PCCA: variants seen among roughly 807,000 people sequenced by gnomAD.
The protein encoded by PCCA is propionyl-CoA carboxylase subunit alpha.
PCCA carries 74 observed loss-of-function variants against 101.3 expected under a neutral mutation model. The observed-to-expected ratio is 0.73, with a 90% CI of 0.61 to 0.89. The LOEUF (loss-of-function observed/expected upper bound fraction) is 0.89. Among genes scored for constraint, PCCA ranks in the 40% least tolerant of loss-of-function variants. PCCA has a pLI of 0.00. For synonymous variants in PCCA, 294 were observed against 313.6 expected, an observed-to-expected ratio of 0.94 and a Z score of 0.66; for missense variants, 891 against 907.0, an observed-to-expected ratio of 0.98 and a Z score of 0.23.
At chr13:100,493,337 T>C (rs912616490) in intron 21 of PCCA, among the ~76,000 whole-genome samples, 1 of 152,178 alleles carries the variant, frequency 6.6e-6, no homozygotes. Flanking sequence ...AAAGGCCTGT[T>C]GGGTGGATGT....
intron 19 of PCCA, among the ~76,000 whole-genome samples, chr13:100,389,640 A>G (rs568106680): frequency 1.6e-4 from 24 of 152,352 alleles, no homozygotes; most frequent in African/African-American, 4.6e-4. Flanking sequence ...AAAGAAAAGA[A>G]AAACACACAC....
At chr13:100,524,873 A>AAGAT (rs1188787548) in intron 22 of PCCA, among the ~76,000 whole-genome samples, 4 of 152,152 alleles carry the variant, frequency 2.6e-5, no homozygotes, top group Non-Finnish European at 5.9e-5. Context: ...TTCTGTCTCT[A>AAGAT]AGATAGATAG....
At chr13:100,205,742 T>C (rs1158362749) in intron 6 of PCCA, among the ~76,000 whole-genome samples, 1 of 152,154 alleles carries the variant, frequency 6.6e-6, no homozygotes, top group Non-Finnish European at 1.5e-5. Flanking sequence ...CTCTGATTGC[T>C]TGATTACATC....
At chr13:100,449,392 A>G in intron 21 of PCCA, 87 bp downstream of exon 21, 1 of 742,218 alleles carries the variant, frequency 1.3e-6, no homozygotes, top group African/African-American at 1.8e-5. Context: ...ACTTGGCTTC[A>G]TTACTGCTAG....
At chr13:100,523,901 G>A (rs1447879155) in intron 22 of PCCA, among the ~76,000 whole-genome samples, 2 of 152,218 alleles carry the variant, frequency 1.3e-5, no homozygotes, top group Non-Finnish European at 1.5e-5. Context: ...AGAAACGTGC[G>A]CACACATCCT....
Position 100,213,964 on chromosome 13 carries a change from C to T in PCCA, c.600+4501C>T, listed in dbSNP as rs190927608. Among the ~76,000 whole-genome samples the T allele has an allele frequency of 2.0e-4, 31 of 152,228 alleles. 1 individual carries two copies. The highest frequency in any genetic ancestry group is 3.9e-4 in the Admixed American group (6 of 15,286). ...TTCTGCATCTGGTTATCCGGTTCTC[C>T]GAGCACCATTTATTGAAGAGACCGT... On this transcript the variant is annotated intron_variant, in intron 7 of 23. Coordinates refer to ENST00000376285, the MANE Select transcript of PCCA (RefSeq NM_000282.4).
intron 7 of PCCA, among the ~76,000 whole-genome samples, chr13:100,231,124 T>G (rs1332241391): frequency 6.6e-6 from 1 of 152,244 alleles, no homozygotes; most frequent in Non-Finnish European, 1.5e-5. Flanking sequence ...CATGCCCTCT[T>G]TAAAACTTGT....
At position 100,280,012 on chromosome 13, in the gene PCCA, GTTT is replaced by G. The variant is rs10543745; in HGVS notation, c.1065+6678_1065+6680del. 3.9e-4 allele frequency among the ~76,000 whole-genome samples: 54 copies of G among 140,210 alleles called. 1 individual carries two copies. Among genetic ancestry groups the G allele is most frequent in the Admixed American group, 9.1e-4 (13 of 14,216 alleles). The allele number at this position is 140,210 out of a possible 152,430, so 92.0% of individuals were successfully genotyped here. Reference sequence around the variant, plus strand: ...AGAACTGTGTTTTGTTTTTGTTTTTGTTTTTTTTTTTTTTGGTAACAGAAATGC... The same window carrying G: ...AGAACTGTGTTTTGTTTTTGTTTTTGTTTTTTTTTTTGGTAACAGAAATGC... On this transcript the variant is annotated intron_variant, in intron 12 of 23. Coordinates refer to ENST00000376285, the MANE Select transcript of PCCA (RefSeq NM_000282.4).
chr13:100,130,700 T>A (rs573788721), intron 4 of PCCA, among the ~76,000 whole-genome samples: 79 of 152,210 alleles, frequency 5.2e-4, no homozygotes, highest in South Asian at 8.3e-4. Flanking sequence ...TATAGTATAT[T>A]CCTCAAATGG....
intron 21 of PCCA, among the ~76,000 whole-genome samples, chr13:100,484,570 T>C (rs1404556208): frequency 1.3e-5 from 2 of 152,102 alleles, no homozygotes; most frequent in Admixed American, 6.5e-5. Flanking sequence ...GAAAGAGCAT[T>C]AGAGATGTTT....
At chr13:100,184,413 G>A (rs1374395355) in intron 6 of PCCA, among the ~76,000 whole-genome samples, 2 of 152,166 alleles carry the variant, frequency 1.3e-5, no homozygotes, top group African/African-American at 4.8e-5. Flanking sequence ...TAAATTCTCT[G>A]TTAAGTAGGC....
chr13:100,383,368 TG>T (rs1220410960), intron 19 of PCCA, among the ~76,000 whole-genome samples: 1 of 151,996 alleles, frequency 6.6e-6, no homozygotes, highest in East Asian at 2.0e-4. Context: ...GGCTCACGCC[TG>T]TAATCCCAGC....
At chr13:100,141,428 TCAGA>T (rs1263656834) in intron 4 of PCCA, among the ~76,000 whole-genome samples, 1 of 152,192 alleles carries the variant, frequency 6.6e-6, no homozygotes, top group Non-Finnish European at 1.5e-5. Context: ...TATTTATTTA[TCAGA>T]CAGAGTCTCA....
chr13:100,491,518 A>G, intron 21 of PCCA: 1 of 411,912 alleles, frequency 2.4e-6, no homozygotes, highest in African/African-American at 2.1e-5. Flanking sequence ...AAGAAAATAG[A>G]TAAAAAGGAA....
chr13:100,474,724 A>G (rs553312701), intron 21 of PCCA, among the ~76,000 whole-genome samples: 69 of 152,236 alleles, frequency 4.5e-4, no homozygotes, highest in African/African-American at 1.6e-3. Context: ...CCTAGTCTCA[A>G]GCGATCCTCC....
In PCCA at chr13:100,301,444, G is replaced by A. The variant is rs1566896159; in HGVS notation, c.1066-16G>A. 1 of 1,613,806 alleles carries A rather than the reference G, an allele frequency of 6.2e-7. No individual in the cohort carries two copies. The highest frequency in any genetic ancestry group is 8.5e-7 in the Non-Finnish European group (1 of 1,179,764). ...CCTTTTCTACACCTACTGACTGGCA[G>A]ACCTTGGCCTTGCAGGTTGAGCATC... On this transcript the variant is annotated splice_polypyrimidine_tract_variant and intron_variant, in intron 12 of 23. Coordinates refer to ENST00000376285, the MANE Select transcript of PCCA (RefSeq NM_000282.4).
intron 19 of PCCA, among the ~76,000 whole-genome samples, chr13:100,371,075 A>G (rs2075545575): frequency 6.6e-6 from 1 of 152,216 alleles, no homozygotes; most frequent in South Asian, 2.1e-4. Flanking sequence ...CAGGTCTCCT[A>G]TTTAAAAAGA....
intron 21 of PCCA, among the ~76,000 whole-genome samples, chr13:100,467,065 G>T (rs1158644759): frequency 6.6e-6 from 1 of 152,144 alleles, no homozygotes; most frequent in African/African-American, 2.4e-5. Flanking sequence ...GAGATCACCA[G>T]TAGAATCCCC....
chr13:100,184,367 T>C (rs1257761098), intron 6 of PCCA, among the ~76,000 whole-genome samples: 2 of 152,214 alleles, frequency 1.3e-5, no homozygotes, highest in Non-Finnish European at 2.9e-5. Context: ...AGATGGGTTA[T>C]TTAGCTTTAG....
Sources: gnomAD v4.1 joint callset for allele counts (sites outside exome capture counted in the v4.1 genomes callset) on GRCh38, gnomAD v4.1.1 for gene constraint, MANE v1.5 for transcripts, NCBI Gene and HGNC (gene_info 2026-07-23, HGNC 2026-07-21) for gene names.